HS6ST3: variants seen among roughly 807,000 people sequenced by gnomAD.
HS6ST3 encodes the protein heparan sulfate 6-O-sulfotransferase 3.
HS6ST3 carries 12 observed loss-of-function variants against 36.7 expected under a neutral mutation model. That is an observed-to-expected ratio of 0.33 (90% CI 0.21 to 0.53). HS6ST3 has a LOEUF of 0.53. HS6ST3 is among the 20% of genes least tolerant of loss of function. HS6ST3 has a pLI of 0.95. For synonymous variants in HS6ST3, 240 were observed against 257.5 expected (o/e 0.93, Z 0.65); for missense variants, 584 against 640.9 (o/e 0.91, Z 0.96).
intron 1 of HS6ST3, among the ~76,000 whole-genome samples, chr13:96,471,345 CCTT>C (rs2055839321): frequency 6.6e-6 from 1 of 152,142 alleles, no homozygotes; most frequent in Non-Finnish European, 1.5e-5. Context: ...GCATCCTTTT[CCTT>C]CTTCTGAGTT....
At chr13:96,242,779 T>C (rs1021709470) in intron 1 of HS6ST3, among the ~76,000 whole-genome samples, 1 of 152,178 alleles carries the variant, frequency 6.6e-6, no homozygotes, top group African/African-American at 2.4e-5. Context: ...TCCTAAAAGA[T>C]TTAGAAATAG....
intron 1 of HS6ST3, among the ~76,000 whole-genome samples, chr13:96,493,677 T>C (rs2138907391): frequency 6.6e-6 from 1 of 152,286 alleles, no homozygotes; most frequent in Non-Finnish European, 1.5e-5. Flanking sequence ...ATATTAAATG[T>C]GTTGTAGTAT....
intron 1 of HS6ST3, among the ~76,000 whole-genome samples, chr13:96,608,978 T>C (rs2056448318): frequency 6.6e-6 from 1 of 151,998 alleles, no homozygotes; most frequent in South Asian, 2.1e-4. Flanking sequence ...TATATTTATT[T>C]ATTTATTTTG....
chr13:96,381,610 G>A (rs189056205), intron 1 of HS6ST3, among the ~76,000 whole-genome samples: 127 of 152,204 alleles, frequency 8.3e-4, no homozygotes, highest in Admixed American at 3.4e-3. Flanking sequence ...AATGAGCTCA[G>A]CACAGAGTCT....
chr13:96,802,593 A>C (rs771839573), intron 1 of HS6ST3, among the ~76,000 whole-genome samples: 1 of 152,190 alleles, frequency 6.6e-6, no homozygotes, highest in Non-Finnish European at 1.5e-5. Context: ...AAAGCGTCCA[A>C]TTCTTCAAGA....
chr13:96,773,726 G>A (rs575349750), intron 1 of HS6ST3, among the ~76,000 whole-genome samples: 2 of 152,306 alleles, frequency 1.3e-5, no homozygotes, highest in Non-Finnish European at 2.9e-5. Context: ...GAGCACCTGG[G>A]GGAAGGGGCA....
At chr13:96,407,906 A>G (rs939806097) in intron 1 of HS6ST3, among the ~76,000 whole-genome samples, 3 of 152,200 alleles carry the variant, frequency 2.0e-5, no homozygotes, top group Non-Finnish European at 2.9e-5. Context: ...TACAACTCCA[A>G]ACTCCCATAT....
chr13:96,260,154 G>T (rs1206640632), intron 1 of HS6ST3, among the ~76,000 whole-genome samples: 1 of 151,914 alleles, frequency 6.6e-6, no homozygotes, highest in East Asian at 1.9e-4. Context: ...TGAATCATTT[G>T]ATCACTACTT....
chr13:96,436,006 T>C (rs545341508), intron 1 of HS6ST3, among the ~76,000 whole-genome samples: 2 of 152,340 alleles, frequency 1.3e-5, no homozygotes, highest in African/African-American at 2.4e-5. Flanking sequence ...ATTCTCTTTC[T>C]TGGAAAGAAG....
chr13:96,428,000 C>T (rs745644524), intron 1 of HS6ST3, among the ~76,000 whole-genome samples: 23 of 152,096 alleles, frequency 1.5e-4, no homozygotes, highest in Non-Finnish European at 2.6e-4. Context: ...ATGAGGGGTA[C>T]ATGATGTTGG....
intron 1 of HS6ST3, among the ~76,000 whole-genome samples, chr13:96,508,490 G>C (rs187689339): frequency 2.5e-3 from 381 of 152,030 alleles, no homozygotes; most frequent in Middle Eastern, 0.014. Flanking sequence ...AGTGTACATC[G>C]TACCTAATGT....
intron 1 of HS6ST3, among the ~76,000 whole-genome samples, chr13:96,174,627 A>G (rs1229982175): frequency 2.0e-5 from 3 of 152,268 alleles, no homozygotes; most frequent in South Asian, 2.1e-4. Context: ...TTTTAGTTCA[A>G]TTGCTCATAT....
At chr13:96,440,205 G>T (rs763419182) in intron 1 of HS6ST3, among the ~76,000 whole-genome samples, 3 of 152,164 alleles carry the variant, frequency 2.0e-5, no homozygotes, top group Non-Finnish European at 4.4e-5. Flanking sequence ...CCAGCACTTT[G>T]GGAGACCAAG....
At chr13:96,482,106 C>A (rs2055892676) in intron 1 of HS6ST3, among the ~76,000 whole-genome samples, 1 of 152,178 alleles carries the variant, frequency 6.6e-6, no homozygotes, top group African/African-American at 2.4e-5. Flanking sequence ...CCATGCTTAT[C>A]CTCAGGTATG....
chr13:96,323,694 C>T (rs901654168), intron 1 of HS6ST3, among the ~76,000 whole-genome samples: 2 of 152,186 alleles, frequency 1.3e-5, no homozygotes, highest in Non-Finnish European at 2.9e-5. Context: ...ATCATCTCCA[C>T]TGAAGAACCT....
chr13:96,580,477 G>A (rs2056337975), intron 1 of HS6ST3, among the ~76,000 whole-genome samples: 1 of 150,540 alleles, frequency 6.6e-6, no homozygotes, highest in South Asian at 2.1e-4. Context: ...TCATGATCCT[G>A]ACAACACATC....
intron 1 of HS6ST3, among the ~76,000 whole-genome samples, chr13:96,544,421 T>G (rs1011551811): frequency 6.6e-6 from 1 of 152,198 alleles, no homozygotes; most frequent in Non-Finnish European, 1.5e-5. Context: ...AAGAATGAGT[T>G]GGTAGAAACC....
intron 1 of HS6ST3, among the ~76,000 whole-genome samples, chr13:96,576,184 G>T (rs1419590373): frequency 6.6e-6 from 1 of 152,132 alleles, no homozygotes; most frequent in Admixed American, 6.5e-5. Context: ...GTGTTGGTTT[G>T]CTTGGCACTG....
At position 96,834,383 on chromosome 13, in the gene HS6ST3, G is replaced by C. The variant is rs1878877440; in HGVS notation, c.*1185G>C. On this transcript the variant is annotated 3_prime_UTR_variant, in exon 2 of 2. Coordinates refer to ENST00000376705, the MANE Select transcript of HS6ST3 (RefSeq NM_153456.4). ...CTTGAATATCTCCAGCCTGTTCACTGTTTTCTTCCTACATGATCTTTACCT... is the reference window on the plus strand; with the variant it reads ...CTTGAATATCTCCAGCCTGTTCACTCTTTTCTTCCTACATGATCTTTACCT... 6.6e-6 allele frequency: 1 copy of C among 152,210 alleles called. No individual in the cohort carries two copies. The highest frequency in any genetic ancestry group is 1.5e-5 in the Non-Finnish European group (1 of 68,038). 9.4% of individuals were successfully genotyped at this position (152,210 alleles called of 1,614,324 possible). A position where few individuals can be genotyped will look rare whatever the true frequency, so the allele number is the denominator to read the frequency against.
Sources: gnomAD v4.1 joint callset for allele counts (sites outside exome capture counted in the v4.1 genomes callset) on GRCh38, gnomAD v4.1.1 for gene constraint, MANE v1.5 for transcripts, NCBI Gene and HGNC (gene_info 2026-07-23, HGNC 2026-07-21) for gene names.